SPIRE2: variants seen among roughly 807,000 people sequenced by gnomAD.
The protein encoded by SPIRE2 is spire type actin nucleation factor 2.
In SPIRE2, 76 loss-of-function variants were observed where a neutral mutation model predicts 80.7. The observed-to-expected ratio is 0.94, with a 90% CI of 0.78 to 1.14. The LOEUF (loss-of-function observed/expected upper bound fraction) is 1.14. SPIRE2 is among the 50% of genes most tolerant of loss of function. The pLI is 0.00. For missense variants in SPIRE2, 1,196 were observed against 1,015.3 expected (o/e 1.18, Z -2.42); for synonymous variants, 535 against 432.6 (o/e 1.24, Z -2.94).
chr16:89,857,742 G>GT (rs2041704330), intron 7 of SPIRE2, among the ~76,000 whole-genome samples: 1 of 151,120 alleles, frequency 6.6e-6, no homozygotes, highest in Non-Finnish European at 1.5e-5. Flanking sequence ...AGCTAATTTT[G>GT]TATTTTTAGT....
In SPIRE2 at chr16:89,855,661, T is replaced by C. The variant is rs1395487104; in HGVS notation, c.953T>C (p.Ile318Thr). ...GCTCACGAGCTCATCCTGGACTTTA[T>C]CCGCTCACGGCCTCCACTGAAGCAG... is the stretch of plus-strand genomic sequence containing the variant. ...KDAHELILDFIRSRPPLKQVS... is the reference protein window; with the variant it reads ...KDAHELILDFTRSRPPLKQVS... Residue 318 changes from isoleucine to threonine, a missense_variant, in exon 6 of 15, where the codon ATC (isoleucine) becomes ACC (threonine). By Grantham distance (89) the Ile-to-Thr change is moderately conservative. Transcript: ENST00000378247. 6.2e-7 allele frequency: 1 copy of C among 1,612,764 alleles called. No homozygotes were observed. Among genetic ancestry groups the C allele is most frequent in the East Asian group, 2.2e-5 (1 of 44,864 alleles).
intron 12 of SPIRE2, among the ~76,000 whole-genome samples, chr16:89,865,510 GTAAT>G (rs2041781250): frequency 6.6e-6 from 1 of 152,088 alleles, no homozygotes. Flanking sequence ...ACCATAAACA[GTAAT>G]TAATCCAAAA....
chr16:89,870,302 C>T lies in SPIRE2; in HGVS notation c.*30C>T. On this transcript the variant is annotated 3_prime_UTR_variant, in exon 15 of 15. Coordinates refer to ENST00000378247, the MANE Select transcript of SPIRE2 (RefSeq NM_032451.2). Reference sequence around the variant, plus strand: ...CCCAGGTGGCCAGGCCTCCAGGAGGCACCAGGCAGGCCCTGTATCAGGCTA... The same window carrying T: ...CCCAGGTGGCCAGGCCTCCAGGAGGTACCAGGCAGGCCCTGTATCAGGCTA... 2 of 1,479,084 alleles carry T rather than the reference C, an allele frequency of 1.4e-6. No homozygotes were observed. The highest frequency in any genetic ancestry group is 1.9e-6 in the Non-Finnish European group (2 of 1,077,838). The allele number at this position is 1,479,084 out of a possible 1,614,324, so 91.6% of individuals were successfully genotyped here.
chr16:89,848,141 C>T (rs1338322971), intron 2 of SPIRE2, among the ~76,000 whole-genome samples: 1 of 152,230 alleles, frequency 6.6e-6, no homozygotes, highest in Non-Finnish European at 1.5e-5. Context: ...GCGGCTCTTC[C>T]AGTCGGCTTC....
chr16:89,860,370 C>T (rs1018623094), intron 9 of SPIRE2, among the ~76,000 whole-genome samples: 4 of 152,102 alleles, frequency 2.6e-5, no homozygotes, highest in Non-Finnish European at 4.4e-5. Context: ...GCAATCCTCC[C>T]GCCTCAGCCT....
At chr16:89,837,330 C>G (rs1049551687) in intron 1 of SPIRE2, among the ~76,000 whole-genome samples, 33 of 152,184 alleles carry the variant, frequency 2.2e-4, no homozygotes, top group African/African-American at 7.0e-4. Flanking sequence ...CGTGTCAGCC[C>G]TGGAGCCAAG....
intron 1 of SPIRE2, among the ~76,000 whole-genome samples, chr16:89,833,837 T>C (rs1213565837): frequency 6.6e-6 from 1 of 151,992 alleles, no homozygotes; most frequent in Non-Finnish European, 1.5e-5. Context: ...GGCTGGGAGC[T>C]CCTCCGGGGC....
At chr16:89,850,784 G>GCTGGCATTATGTATTCCCA in intron 3 of SPIRE2, 124 bp downstream of exon 3, 1 of 667,624 alleles carries the variant, frequency 1.5e-6, no homozygotes, top group Non-Finnish European at 2.4e-6. Flanking sequence ...TGCGACTGCC[G>GCTGGCATTATGTATTCCCA]CTGGCATTAT....
At chr16:89,867,012 A>G (rs62056097) in intron 12 of SPIRE2, among the ~76,000 whole-genome samples, 16,444 of 152,188 alleles carry the variant, frequency 0.11, 1,157 homozygotes, top group East Asian at 0.25. Flanking sequence ...AGGCCCCTCT[A>G]GCTTCCATGG....
At position 89,850,653 on chromosome 16, in the gene SPIRE2, C is replaced by G. The variant is rs1234872016; in HGVS notation, c.638C>G (p.Ala213Gly). 1 of 1,493,092 alleles carries G rather than the reference C, an allele frequency of 6.7e-7. No homozygotes were observed. The highest frequency in any genetic ancestry group is 2.5e-5 in the East Asian group (1 of 39,794). 92.5% of individuals were successfully genotyped at this position (1,493,092 alleles called of 1,614,324 possible). The change falls in exon 3 of 15, where the codon GCC becomes GGC. Residue 213 changes from alanine to glycine, a missense_variant. Ala to Gly is a moderately conservative substitution (Grantham distance 60). Transcript: ENST00000378247. ...GCCTTCCTGGCCAGGGTCCGGGAGGCCAAGGAGGTGAGCGGTGGGTGGGGG... is the reference window on the plus strand; with the variant it reads ...GCCTTCCTGGCCAGGGTCCGGGAGGGCAAGGAGGTGAGCGGTGGGTGGGGG... Reference protein sequence around the residue: ...LRAFLARVREAKEMLQKLRED... With the variant: ...LRAFLARVREGKEMLQKLRED...
chr16:89,869,053 A>AATATATAT (rs1555601129), intron 13 of SPIRE2, among the ~76,000 whole-genome samples: 2 of 24,030 alleles, frequency 8.3e-5, no homozygotes, highest in African/African-American at 1.6e-4. Context: ...AAAAAAAAAA[A>AATATATAT]ATATATATAT....
At chr16:89,842,993 T>G (rs12599531) in intron 1 of SPIRE2, among the ~76,000 whole-genome samples, 1 of 152,154 alleles carries the variant, frequency 6.6e-6, no homozygotes, top group Non-Finnish European at 1.5e-5. Flanking sequence ...ACTGAGCAGA[T>G]GATTTCATGG....
rs1567677087 is a variant in SPIRE2, at chr16:89,859,270, G to A, written c.1378G>A (p.Ala460Thr). The A allele has an allele frequency of 6.2e-7, 1 of 1,606,926 alleles. No homozygotes were observed. Among genetic ancestry groups the A allele is most frequent in the Non-Finnish European group, 8.5e-7 (1 of 1,178,714 alleles). ...RSEVASGLQS[A>T]THPPGGTEPP... ...TGAGGTGGCCTCTGGCCTGCAGTCG[G>A]CCACCCACCCCCCAGGAGGGACGGA... The change falls in exon 9 of 15, where the codon GCC becomes ACC. Residue 460 changes from alanine to threonine, a missense_variant. Ala to Thr is a moderately conservative substitution (Grantham distance 58). Coordinates refer to ENST00000378247, the MANE Select transcript of SPIRE2 (RefSeq NM_032451.2).
Position 89,859,154 on chromosome 16 carries a change from T to G in SPIRE2, c.1273-11T>G, listed in dbSNP as rs200689357. 9.4e-5 allele frequency: 145 copies of G among 1,549,878 alleles called. No homozygotes were observed. The highest frequency in any genetic ancestry group is 1.2e-4 in the Non-Finnish European group (134 of 1,142,146). On this transcript the variant is annotated splice_polypyrimidine_tract_variant and intron_variant, in intron 8 of 14. Transcript: ENST00000378247. ...ATTGTCAGGGCAGGGCCGCGTCTGGTGTGTCCACAGGAAGAAGAGTCTCCG... is the reference window on the plus strand; with the variant it reads ...ATTGTCAGGGCAGGGCCGCGTCTGGGGTGTCCACAGGAAGAAGAGTCTCCG...
In SPIRE2 at chr16:89,828,965, C is replaced by T. The variant is rs896927211; in HGVS notation, c.244+171C>T. ...TCCCACTCTCCGTCCCTCTTTCCCTCTCTCTTTCCTCCCTCCTTCTCTCCC... is the reference window on the plus strand; with the variant it reads ...TCCCACTCTCCGTCCCTCTTTCCCTTTCTCTTTCCTCCCTCCTTCTCTCCC... On this transcript the variant is annotated intron_variant, in intron 1 of 14. Coordinates refer to ENST00000378247, the MANE Select transcript of SPIRE2 (RefSeq NM_032451.2). The surrounding 1 kb of genome is among the most constrained non-coding windows in gnomAD (Gnocchi z 5.9). 2.0e-5 allele frequency among the ~76,000 whole-genome samples: 3 copies of T among 152,204 alleles called. No homozygotes were observed. The highest frequency in any genetic ancestry group is 2.9e-5 in the Non-Finnish European group (2 of 68,036).
chr16:89,839,373 C>CAAAA (rs537824236), intron 1 of SPIRE2, among the ~76,000 whole-genome samples: 1 of 123,554 alleles, frequency 8.1e-6, no homozygotes, highest in Non-Finnish European at 1.7e-5. Context: ...GACTCCATCT[C>CAAAA]AAAAAAAAAA....
chr16:89,870,018 CCT>C, intron 14 of SPIRE2, 30 bp from the exon 15 acceptor site: 1 of 1,588,538 alleles, frequency 6.3e-7, no homozygotes, highest in Non-Finnish European at 8.6e-7. Context: ...CTGGCTGGCT[CCT>C]CTCCCTGAGT....
intron 5 of SPIRE2, among the ~76,000 whole-genome samples, chr16:89,855,249 A>G (rs1469595581): frequency 2.6e-5 from 4 of 152,000 alleles, no homozygotes; most frequent in Non-Finnish European, 5.9e-5. Context: ...GCTGTAGGAT[A>G]TTTTTGCCGT....
At chr16:89,841,465 G>C (rs1267469427) in intron 1 of SPIRE2, among the ~76,000 whole-genome samples, 1 of 152,176 alleles carries the variant, frequency 6.6e-6, no homozygotes, top group Non-Finnish European at 1.5e-5. Context: ...TGGTAGCTCT[G>C]TGGCCACGTT....
Sources: allele counts gnomAD v4.1 joint callset (sites outside exome capture counted in the v4.1 genomes callset), GRCh38; gene constraint gnomAD v4.1.1; non-coding constraint Gnocchi (gnomAD v3.1); transcripts MANE v1.5; gene names NCBI Gene and HGNC (gene_info 2026-07-23, HGNC 2026-07-21).